Variants in TNFSF4 observed in about 807,000 individuals in gnomAD.
TNFSF4 encodes tumor necrosis factor ligand superfamily member 4.
TNFSF4 carries 4 observed loss-of-function variants against 7.3 expected under a neutral mutation model. That is an observed-to-expected ratio of 0.55 (90% CI 0.27 to 1.25). The LOEUF (loss-of-function observed/expected upper bound fraction) is 1.25. TNFSF4 is among the 50% of genes most tolerant of loss of function. The pLI, the probability that TNFSF4 is intolerant of heterozygous loss-of-function variation, is 0.12. For synonymous variants in TNFSF4, 76 were observed against 83.7 expected (o/e 0.91, Z 0.50); for missense variants, 181 against 208.8 (o/e 0.87, Z 0.82).
the TNFSF4 span, among the ~76,000 whole-genome samples, chr1:173,173,645 C>T: frequency 7.0e-4 from 106 of 152,314 alleles, 1 homozygote; most frequent in Middle Eastern, 3.4e-3. Flanking sequence ...ACTCGCAGGC[C>T]CAACACCATA....
At chr1:173,322,900 T>C in the TNFSF4 span, among the ~76,000 whole-genome samples, 1 of 152,116 alleles carries the variant, frequency 6.6e-6, no homozygotes, top group Non-Finnish European at 1.5e-5. Flanking sequence ...AGCTCGAACT[T>C]GGTGGAGCCC....
At chr1:173,226,215 TC>T in the TNFSF4 span, among the ~76,000 whole-genome samples, 114 of 152,280 alleles carry the variant, frequency 7.5e-4, no homozygotes, top group Middle Eastern at 0.024. Flanking sequence ...AAATCCATTC[TC>T]CCCTTATTCT....
At chr1:173,276,581 G>C in the TNFSF4 span, among the ~76,000 whole-genome samples, 1 of 152,180 alleles carries the variant, frequency 6.6e-6, no homozygotes. Flanking sequence ...GAAAGGAGCT[G>C]AAGTCTAGCC....
At chr1:173,317,383 G>T in the TNFSF4 span, among the ~76,000 whole-genome samples, 8 of 152,234 alleles carry the variant, frequency 5.3e-5, no homozygotes, top group African/African-American at 1.9e-4. Context: ...TGGCCTTTTG[G>T]CTAAGACCAA....
chr1:173,304,435 A>G, the TNFSF4 span, among the ~76,000 whole-genome samples: 11 of 152,060 alleles, frequency 7.2e-5, 1 homozygote, highest in South Asian at 2.3e-3. Context: ...CTGGCTAGAG[A>G]GAATGGTTTA....
At chr1:173,205,259 C>T in intron 1 of TNFSF4, 1 of 1,603,734 alleles carries the variant, frequency 6.2e-7, no homozygotes, top group Non-Finnish European at 8.5e-7. Flanking sequence ...TGTCTTGCTT[C>T]CATCTCTGTG....
the TNFSF4 span, among the ~76,000 whole-genome samples, chr1:173,261,044 C>T: frequency 2.0e-5 from 3 of 152,254 alleles, no homozygotes; most frequent in South Asian, 2.1e-4. Context: ...ACTTTCTTCT[C>T]GGCACCACAT....
At chr1:173,397,362 C>T in the TNFSF4 span, among the ~76,000 whole-genome samples, 1 of 152,124 alleles carries the variant, frequency 6.6e-6, no homozygotes. Context: ...TCCAAAGGGA[C>T]CTTTGACCTT....
the TNFSF4 span, among the ~76,000 whole-genome samples, chr1:173,384,672 A>G: frequency 6.6e-6 from 1 of 152,196 alleles, no homozygotes; most frequent in Non-Finnish European, 1.5e-5. Context: ...GAGAAAAAAA[A>G]GCGATGAAAC....
chr1:173,362,923 G>T, the TNFSF4 span: 5 of 459,032 alleles, frequency 1.1e-5, no homozygotes, highest in Admixed American at 7.4e-5. Context: ...TAATGTACTC[G>T]TGCACCAAAA....
chr1:173,378,453 A>G, the TNFSF4 span, among the ~76,000 whole-genome samples: 1 of 152,212 alleles, frequency 6.6e-6, no homozygotes, highest in Non-Finnish European at 1.5e-5. Context: ...ACACTCAGGC[A>G]TCAACAGGCT....
At chr1:173,400,836 A>G in the TNFSF4 span, among the ~76,000 whole-genome samples, 7 of 152,236 alleles carry the variant, frequency 4.6e-5, no homozygotes, top group Admixed American at 4.6e-4. Context: ...AGTTGGGGTC[A>G]CTTCACCAGG....
chr1:173,420,032 T>C, the TNFSF4 span, among the ~76,000 whole-genome samples: 34 of 152,272 alleles, frequency 2.2e-4, no homozygotes, highest in Admixed American at 1.8e-3. Flanking sequence ...GCATGTTTAT[T>C]GAGTGAGCTG....
At chr1:173,382,918 G>A in the TNFSF4 span, among the ~76,000 whole-genome samples, 20 of 151,170 alleles carry the variant, frequency 1.3e-4, no homozygotes, top group Non-Finnish European at 2.1e-4. Context: ...ACAAAGGTGC[G>A]TCAAAACTAA....
chr1:173,223,313 T>G, the TNFSF4 span, among the ~76,000 whole-genome samples: 2 of 152,196 alleles, frequency 1.3e-5, no homozygotes, highest in African/African-American at 4.8e-5. Context: ...TCATTCTGGC[T>G]GGACCAGGGT....
the TNFSF4 span, among the ~76,000 whole-genome samples, chr1:173,392,122 T>TC: frequency 1.8e-4 from 27 of 152,210 alleles, no homozygotes; most frequent in Non-Finnish European, 2.9e-4. Flanking sequence ...GAGTTCTAAC[T>TC]CAATGTCACC....
chr1:173,180,237 T>C (rs1266663212), downstream of TNFSF4, among the ~76,000 whole-genome samples: 4 of 152,224 alleles, frequency 2.6e-5, no homozygotes, highest in Admixed American at 2.6e-4. Flanking sequence ...TCCATTCATT[T>C]CTTTCCAGTC....
At chr1:173,447,620 T>C in the TNFSF4 span, among the ~76,000 whole-genome samples, 1 of 151,998 alleles carries the variant, frequency 6.6e-6, no homozygotes, top group Non-Finnish European at 1.5e-5. Flanking sequence ...AAAAATACAC[T>C]GTGTGAAGTT....
the TNFSF4 span, among the ~76,000 whole-genome samples, chr1:173,236,328 G>A: frequency 6.6e-6 from 1 of 151,648 alleles, no homozygotes; most frequent in Non-Finnish European, 1.5e-5. Flanking sequence ...TCTGATCCTT[G>A]GTTCCATTAT....
Sources: allele counts gnomAD v4.1 joint callset (sites outside exome capture counted in the v4.1 genomes callset), GRCh38; gene constraint gnomAD v4.1.1; transcripts MANE v1.5; gene names NCBI Gene and HGNC (gene_info 2026-07-23, HGNC 2026-07-21).